The following SDHA variants were observed in gnomAD, a reference collection of about 807,000 sequenced individuals.
SDHA encodes the protein succinate dehydrogenase [ubiquinone] flavoprotein subunit, mitochondrial.
In SDHA, 48 loss-of-function variants were observed where a neutral mutation model predicts 78.4. That is an observed-to-expected ratio of 0.61 (90% CI 0.49 to 0.78). The LOEUF (loss-of-function observed/expected upper bound fraction) is 0.78, where lower values mean the gene tolerates loss of function less well. Among genes scored for constraint, SDHA ranks in the 30% least tolerant of loss-of-function variants. The probability of loss-of-function intolerance (pLI) is 0.00; values close to 1 mark genes in which losing one functional copy is unlikely to be tolerated. For missense variants in SDHA, 680 were observed against 892.7 expected, an observed-to-expected ratio of 0.76 and a Z score of 3.04; for synonymous variants, 326 against 353.9, an observed-to-expected ratio of 0.92 and a Z score of 0.88.
At chr5:257,532 CTG>C (rs1304125551), downstream of SDHA, among the ~76,000 whole-genome samples, 16 of 136,298 alleles carry the variant, frequency 1.2e-4, 2 homozygotes, top group East Asian at 3.4e-3. Flanking sequence ...TGGAGCATTA[CTG>C]TGTGAGCTCC....
chr5:220,462 C>A, intron 1 of SDHA: 1 of 214,470 alleles, frequency 4.7e-6, no homozygotes, highest in Non-Finnish European at 1.0e-5. Flanking sequence ...ATTATTTAGG[C>A]CATTATAGTA....
At chr5:235,894 G>T (rs1258817413) in intron 9 of SDHA, 2 of 248,432 alleles carry the variant, frequency 8.1e-6, no homozygotes, top group Admixed American at 5.1e-5. Flanking sequence ...TGACATTGGA[G>T]GTCCTCTGAC....
chr5:227,669 C>G, intron 5 of SDHA: 1 of 219,948 alleles, frequency 4.5e-6, no homozygotes, highest in South Asian at 6.9e-5. Context: ...TGTCCGGCGC[C>G]TACCTTTCTG....
chr5:241,656 A>G (rs767994211), intron 11 of SDHA, among the ~76,000 whole-genome samples: 2 of 152,232 alleles, frequency 1.3e-5, no homozygotes, highest in Non-Finnish European at 2.9e-5. Flanking sequence ...TCTCTTGCCT[A>G]CTATTTGCAA....
At chr5:231,496 G>T (rs1212242004) in intron 7 of SDHA, among the ~76,000 whole-genome samples, 1 of 150,642 alleles carries the variant, frequency 6.6e-6, no homozygotes, top group East Asian at 2.0e-4. Flanking sequence ...GGAGGCAGAG[G>T]TTGCAGTGAG....
chr5:231,685 G>A (rs1418805477), intron 7 of SDHA, among the ~76,000 whole-genome samples: 1 of 152,150 alleles, frequency 6.6e-6, no homozygotes, highest in African/African-American at 2.4e-5. Flanking sequence ...CACATGGTAG[G>A]GTCTCCACCG....
At chr5:257,764 G>C (rs971812220), downstream of SDHA, among the ~76,000 whole-genome samples, 3 of 83,056 alleles carry the variant, frequency 3.6e-5, no homozygotes, top group East Asian at 3.3e-4. Context: ...TGTGAGCTCC[G>C]CCCCTGCCAG....
chr5:220,396 A>C, intron 1 of SDHA: 1 of 368,996 alleles, frequency 2.7e-6, no homozygotes, highest in Non-Finnish European at 5.6e-6. Flanking sequence ...GGACAAATTG[A>C]TTTCTTTTCT....
At chr5:218,506 C>G (rs1734514695) in intron 1 of SDHA, 88 bp downstream of exon 1, 2 of 1,032,262 alleles carry the variant, frequency 1.9e-6, no homozygotes, top group Non-Finnish European at 2.6e-6. Context: ...CCGAGCGGAG[C>G]GGGCGCCGGG....
rs747737117 is a variant in SDHA, at chr5:226,062, G to A, written c.621+15G>A. ...TATATGGAAGGGTAAGGCCGCCCCCGTCCACCTGAGACAGGACACGTAGTG... is the reference window on the plus strand; with the variant it reads ...TATATGGAAGGGTAAGGCCGCCCCCATCCACCTGAGACAGGACACGTAGTG... On this transcript the variant is annotated intron_variant, in intron 5 of 14. Transcript: ENST00000264932. 25 of 1,613,864 alleles carry A rather than the reference G, an allele frequency of 1.5e-5. No homozygotes were observed. The highest frequency in any genetic ancestry group is 4.5e-5 in the East Asian group (2 of 44,886).
At position 251,056 on chromosome 5, in the gene SDHA, T is replaced by C; in HGVS notation, c.1616T>C (p.Ile539Thr). The change falls in exon 12 of 15, where the codon ATC becomes ACC. Residue 539 changes from isoleucine to threonine, a missense_variant. By Grantham distance (89) the Ile-to-Thr change is moderately conservative. Transcript: ENST00000264932. Reference sequence around the variant, plus strand: ...GTGTTGCAAGAAGGTTGTGGGAAAATCAGCAAGCTCTATGGAGACCTAAAG... The same window carrying C: ...GTGTTGCAAGAAGGTTGTGGGAAAACCAGCAAGCTCTATGGAGACCTAAAG... ...GSVLQEGCGK[I>T]SKLYGDLKHL... The C allele has an allele frequency of 6.2e-7, 1 of 1,611,938 alleles. No homozygotes were observed. The highest frequency in any genetic ancestry group is 8.5e-7 in the Non-Finnish European group (1 of 1,179,846).
In SDHA at chr5:218,365, G is replaced by T. The variant is rs778069799; in HGVS notation, c.10G>T (p.Val4Phe). 5 of 1,459,536 alleles carry T rather than the reference G, an allele frequency of 3.4e-6. No individual in the cohort carries two copies. Among genetic ancestry groups the T allele is most frequent in the East Asian group, 5.5e-5 (2 of 36,274 alleles). The allele number at this position is 1,459,536 out of a possible 1,614,324, so 90.4% of individuals were successfully genotyped here. MSG[V>F]RGLSRLLSAR... Reference sequence around the variant, plus strand: ...GGCGGCAACAGCAGACATGTCGGGGGTCCGGGGCCTGTCGCGGCTGCTGAG... The same window carrying T: ...GGCGGCAACAGCAGACATGTCGGGGTTCCGGGGCCTGTCGCGGCTGCTGAG... The change falls in exon 1 of 15, where the codon GTC (valine) becomes TTC (phenylalanine). Residue 4 changes from valine to phenylalanine, a missense_variant. Val to Phe is a conservative substitution (Grantham distance 50, BLOSUM62 -1). Transcript: ENST00000264932.
At chr5:228,998 A>G (rs1735215784) in intron 6 of SDHA, among the ~76,000 whole-genome samples, 1 of 152,220 alleles carries the variant, frequency 6.6e-6, no homozygotes. Context: ...CAAATGGCCA[A>G]TTGATGTATG....
intron 5 of SDHA, among the ~76,000 whole-genome samples, chr5:226,648 G>T (rs912323415): frequency 6.7e-6 from 1 of 149,052 alleles, no homozygotes; most frequent in African/African-American, 2.5e-5. Flanking sequence ...GAAAGAACAG[G>T]CTGGGTGCGG....
downstream of SDHA, among the ~76,000 whole-genome samples, chr5:259,783 G>T (rs1204518993): frequency 2.9e-5 from 1 of 34,782 alleles, no homozygotes; most frequent in Non-Finnish European, 4.8e-5. Flanking sequence ...TGTGAGCTCC[G>T]CCTCCCGCCA....
the SDHA span, among the ~76,000 whole-genome samples, chr5:268,580 T>C: frequency 6.6e-6 from 1 of 152,288 alleles, no homozygotes; most frequent in East Asian, 1.9e-4. Context: ...GGCTTGAATC[T>C]CCTCTTACTG....
intron 6 of SDHA, among the ~76,000 whole-genome samples, chr5:229,330 T>G (rs924870618): frequency 1.7e-4 from 26 of 152,238 alleles, no homozygotes; most frequent in African/African-American, 6.3e-4. Context: ...TGCAGCATTA[T>G]TCACAATACC....
chr5:235,201 G>T lies in SDHA; in HGVS notation c.1122G>T (p.Glu374Asp), dbSNP rs377283167. The change falls in exon 9 of 15, where the codon GAG becomes GAT. Residue 374 changes from glutamate to aspartate, a missense_variant. Physicochemically the swap from Glu to Asp is conservative, Grantham distance 45 (BLOSUM62 2). Coordinates refer to ENST00000264932, the MANE Select transcript of SDHA (RefSeq NM_004168.4). ...VYLQLHHLPP[E>D]QLATRLPGIS... is the part of the protein sequence containing the mutation. ...TGCAGCTGCACCACCTACCTCCAGA[G>T]CAGCTGGCCACGCGCCTGCCTGGCA... is the stretch of plus-strand genomic sequence containing the variant. 1.9e-6 allele frequency: 3 copies of T among 1,613,892 alleles called. No individual in the cohort carries two copies. Among genetic ancestry groups the T allele is most frequent in the Non-Finnish European group, 2.5e-6 (3 of 1,179,880 alleles).
chr5:225,668 G>A (rs780005840), intron 4 of SDHA, 106 bp downstream of exon 4: 218 of 1,517,670 alleles, frequency 1.4e-4, no homozygotes, highest in Non-Finnish European at 1.9e-4. Context: ...CAAAAGAATG[G>A]TGATGAGCAA....
Sources: allele counts gnomAD v4.1 joint callset (sites outside exome capture counted in the v4.1 genomes callset), GRCh38; gene constraint gnomAD v4.1.1; transcripts MANE v1.5; gene names NCBI Gene and HGNC (gene_info 2026-07-23, HGNC 2026-07-21).